The following DPP10 variants were observed in gnomAD, a reference collection of about 807,000 sequenced individuals.
DPP10 encodes inactive dipeptidyl peptidase 10.
In DPP10, 33 loss-of-function variants were observed where a neutral mutation model predicts 120.9. The observed-to-expected ratio is 0.27, with a 90% CI of 0.21 to 0.37. The LOEUF is 0.37. Ranked by LOEUF, DPP10 falls within the 10% of genes least tolerant of loss-of-function variation. The pLI is 1.00. For missense variants in DPP10, 816 were observed against 942.8 expected, an observed-to-expected ratio of 0.87 and a Z score of 1.76; for synonymous variants, 337 against 326.1, an observed-to-expected ratio of 1.03 and a Z score of -0.36.
In DPP10 at chr2:114,714,613, A is replaced by G. The variant is rs545421039; in HGVS notation, c.60+271775A>G. 2.0e-5 allele frequency among the ~76,000 whole-genome samples: 3 copies of G among 152,212 alleles called. No individual in the cohort carries two copies. The South Asian group carries it at 6.2e-4, about 32-fold the overall frequency. Reference sequence around the variant, plus strand: ...TGGTCTGGCTCCTTGAAAGTTCTTGAACCAAGTTCTAGTTTCTGAAAAGCT... The same window carrying G: ...TGGTCTGGCTCCTTGAAAGTTCTTGGACCAAGTTCTAGTTTCTGAAAAGCT... On this transcript the variant is annotated intron_variant, in intron 1 of 25. Transcript: ENST00000410059.
chr2:115,154,783 C>A (rs2051790253), intron 1 of DPP10, among the ~76,000 whole-genome samples: 1 of 151,984 alleles, frequency 6.6e-6, no homozygotes, highest in Non-Finnish European at 1.5e-5. Context: ...AACAGAATTC[C>A]TCTCCACTAA....
chr2:114,701,123 ATCT>A (rs1700362041), intron 1 of DPP10, among the ~76,000 whole-genome samples: 1 of 152,086 alleles, frequency 6.6e-6, no homozygotes, highest in Non-Finnish European at 1.5e-5. Context: ...AAATGATGTG[ATCT>A]TCTTTAATCT....
intron 10 of DPP10, chr2:115,750,275 G>C (rs72828567): frequency 1.1e-6 from 1 of 890,596 alleles, no homozygotes; most frequent in East Asian, 1.2e-4. Flanking sequence ...TGAATCACAG[G>C]GAGATGTACA....
intron 1 of DPP10, among the ~76,000 whole-genome samples, chr2:114,636,662 C>T (rs374883571): frequency 6.6e-6 from 1 of 151,918 alleles, no homozygotes; most frequent in Non-Finnish European, 1.5e-5. Flanking sequence ...ACAGAGAAAG[C>T]ATTTACAAAG....
chr2:115,766,465 T>TAC (rs1345165753), intron 12 of DPP10, among the ~76,000 whole-genome samples: 1 of 151,358 alleles, frequency 6.6e-6, no homozygotes, highest in African/African-American at 2.4e-5. Context: ...CATATGTACA[T>TAC]ACATTCATAT....
intron 1 of DPP10, among the ~76,000 whole-genome samples, chr2:114,985,220 T>G (rs1700322607): frequency 6.6e-6 from 1 of 151,622 alleles, no homozygotes; most frequent in Non-Finnish European, 1.5e-5. Context: ...GACTTTGTAC[T>G]TTTTTTTTCC....
At chr2:115,837,586 A>G (rs926732646) in intron 24 of DPP10, among the ~76,000 whole-genome samples, 1 of 152,184 alleles carries the variant, frequency 6.6e-6, no homozygotes, top group African/African-American at 2.4e-5. Context: ...AGGGTACTAT[A>G]TGGAAAAAGA....
rs926235507 is a variant in DPP10 at position 115,081,421 on chromosome 2, G to A, written c.61-227818G>A. 7.9e-5 allele frequency among the ~76,000 whole-genome samples: 12 copies of A among 152,124 alleles called. 1 individual carries two copies. The highest frequency in any genetic ancestry group is 4.6e-4 in the Admixed American group (7 of 15,274). On this transcript the variant is annotated intron_variant, in intron 1 of 25. Coordinates refer to ENST00000410059, the MANE Select transcript of DPP10 (RefSeq NM_020868.6). ...GTTTGTTGTTAAGTCTGCTCACAGA[G>A]ATCTTAATTTCTATGATATATTTTT...
chr2:115,470,525 A>G (rs1448736324), intron 3 of DPP10, among the ~76,000 whole-genome samples: 1 of 152,172 alleles, frequency 6.6e-6, no homozygotes, highest in African/African-American at 2.4e-5. Context: ...TTCGAAGCCC[A>G]TTATTTGTAA....
chr2:115,408,020 G>T (rs1255021495), intron 3 of DPP10, among the ~76,000 whole-genome samples: 2 of 152,018 alleles, frequency 1.3e-5, no homozygotes, highest in Non-Finnish European at 2.9e-5. Flanking sequence ...AATACATGCG[G>T]TACGTGAGGG....
At chr2:115,334,651 G>A (rs1018662752) in intron 2 of DPP10, among the ~76,000 whole-genome samples, 21 of 152,052 alleles carry the variant, frequency 1.4e-4, no homozygotes, top group Middle Eastern at 3.4e-3. Flanking sequence ...GAGAATACAC[G>A]TAGAAACATT....
chr2:115,531,052 T>C (rs1002204821), intron 5 of DPP10, among the ~76,000 whole-genome samples: 4 of 152,178 alleles, frequency 2.6e-5, no homozygotes, highest in African/African-American at 9.6e-5. Flanking sequence ...TTAATCCTTA[T>C]ATCTTTTATT....
intron 1 of DPP10, among the ~76,000 whole-genome samples, chr2:114,521,514 A>G (rs1685049435): frequency 6.6e-6 from 1 of 152,194 alleles, no homozygotes; most frequent in Admixed American, 6.5e-5. Context: ...CAGACATAGA[A>G]GATACAAATT....
intron 9 of DPP10, among the ~76,000 whole-genome samples, chr2:115,741,503 A>G (rs1677271993): frequency 6.6e-6 from 1 of 152,006 alleles, no homozygotes; most frequent in Non-Finnish European, 1.5e-5. Context: ...AAAACCTGAA[A>G]AGTTGCCCCA....
rs116589159 is a variant in DPP10 at position 115,266,841 on chromosome 2, A to G, written c.61-42398A>G. 9.7e-3 allele frequency among the ~76,000 whole-genome samples: 1,477 copies of G among 152,308 alleles called. 28 individuals carry two copies. Among genetic ancestry groups the G allele is most frequent in the African/African-American group, 0.033 (1,366 of 41,576 alleles). ...GTGAAAAATAATGAGAGATTTTCCT[A>G]TCCTTATACGGTATTTTGCAGAGGG... On this transcript the variant is annotated intron_variant, in intron 1 of 25. Transcript: ENST00000410059.
At chr2:115,588,924 A>C (rs1558890391) in intron 5 of DPP10, among the ~76,000 whole-genome samples, 1 of 152,226 alleles carries the variant, frequency 6.6e-6, no homozygotes, top group Non-Finnish European at 1.5e-5. Flanking sequence ...AATGGCTCAG[A>C]CTGGATTGTA....
intron 1 of DPP10, chr2:115,234,343 C>G (rs1008652231): frequency 5.5e-6 from 1 of 181,200 alleles, no homozygotes; most frequent in African/African-American, 2.4e-5. Context: ...TTTCGTGACC[C>G]ACAAAACTGA....
chr2:115,090,600 TAAAG>T (rs1709164682), intron 1 of DPP10, among the ~76,000 whole-genome samples: 3 of 152,120 alleles, frequency 2.0e-5, no homozygotes, highest in Admixed American at 6.5e-5. Context: ...TTGTAAAAGT[TAAAG>T]AAAGAGGAAA....
chr2:115,539,617 G>T (rs2079061970), intron 5 of DPP10, among the ~76,000 whole-genome samples: 1 of 151,954 alleles, frequency 6.6e-6, no homozygotes, highest in Non-Finnish European at 1.5e-5. Context: ...GGAAAAAAGA[G>T]ATGTGACTTT....
Sources: gnomAD v4.1 joint callset for allele counts (sites outside exome capture counted in the v4.1 genomes callset) on GRCh38, gnomAD v4.1.1 for gene constraint, MANE v1.5 for transcripts, NCBI Gene and HGNC (gene_info 2026-07-23, HGNC 2026-07-21) for gene names.